The following STK11IP variants were observed in gnomAD, a reference collection of about 807,000 sequenced individuals.
The protein encoded by STK11IP is serine/threonine kinase 11 interacting protein, also known as serine/threonine-protein kinase 11-interacting protein.
A neutral mutation model predicts 131.7 loss-of-function variants in STK11IP; 103 were observed. The ratio of observed to expected loss-of-function variants is 0.78; its 90% CI spans 0.67 to 0.92. The LOEUF is 0.92. Ranked by LOEUF, STK11IP falls within the 40% of genes least tolerant of loss-of-function variation. The pLI is 0.00. For missense variants in STK11IP, 1,315 were observed against 1,385.7 expected, an observed-to-expected ratio of 0.95 and a Z score of 0.81; for synonymous variants, 557 against 575.6, an observed-to-expected ratio of 0.97 and a Z score of 0.46.
rs559545306 is a variant in STK11IP at position 219,598,363 on chromosome 2, A to C, written c.61+183A>C. The stretch of plus-strand genomic sequence containing the variant: ...CAGTGTCCTTTGCCTGTGATAGCCT[A>C]AACTCTAGCCGTCCTTTGAGGCCAA... On this transcript the variant is annotated intron_variant, in intron 2 of 24. Coordinates refer to ENST00000456909, the MANE Select transcript of STK11IP (RefSeq NM_052902.4). 2.5e-5 allele frequency: 13 copies of C among 509,834 alleles called. No individual in the cohort carries two copies. In the African/African-American group the frequency reaches 2.6e-4, roughly 10 times the overall value. 31.6% of individuals were successfully genotyped at this position (509,834 alleles called of 1,614,324 possible).
Position 219,606,850 on chromosome 2 carries a change from A to C in STK11IP, c.1126A>C (p.Lys376Gln), listed in dbSNP as rs1330527804. ...TGTTGTGACCCAGCCCCTGCTTCAT[A>C]AGGTTAAGGTAAGCAGCGTCCTCCG... is the stretch of plus-strand genomic sequence containing the variant. Reference protein sequence around the residue: ...GGVVTQPLLHKVKSRVRVRRA... With the variant: ...GGVVTQPLLHQVKSRVRVRRA... Residue 376 changes from lysine to glutamine, a missense_variant, in exon 12 of 25, where the codon AAG becomes CAG. Coordinates refer to ENST00000456909, the MANE Select transcript of STK11IP (RefSeq NM_052902.4). 6.2e-7 allele frequency: 1 copy of C among 1,610,402 alleles called. No individual in the cohort carries two copies. The highest frequency in any genetic ancestry group is 8.5e-7 in the Non-Finnish European group (1 of 1,177,880).
chr2:219,601,953 G>A (rs1477603642), intron 4 of STK11IP, 35 bp from the exon 5 acceptor site: 41 of 1,559,708 alleles, frequency 2.6e-5, no homozygotes, highest in Admixed American at 3.6e-5. Flanking sequence ...CTTCTGTGGG[G>A]TTCTGCCTTC....
Position 219,616,193 on chromosome 2 carries a change from A to C in STK11IP, c.3267A>C (p.Ter1089CysextTer42). The change falls in exon 25 of 25, where the codon TGA becomes TGC. Residue 1089 changes from the stop codon to cysteine, a stop_lost. Transcript: ENST00000456909. ...AAGAGGCGCTGGCCCTTGACCGATG[A>C]GGGTCCCACGCTGACCTTGGCCCTG... ...VIQEALALDR[*>C] 1.2e-6 allele frequency: 2 copies of C among 1,612,850 alleles called. No individual in the cohort carries two copies. The highest frequency in any genetic ancestry group is 1.7e-6 in the Non-Finnish European group (2 of 1,179,554).
chr2:219,606,230 T>C lies in STK11IP; in HGVS notation c.885T>C (p.Pro295=), dbSNP rs1698150973. The C allele has an allele frequency of 6.4e-7, 1 of 1,571,974 alleles. No homozygotes were observed. The highest frequency in any genetic ancestry group is 1.4e-5 in the African/African-American group (1 of 73,916). ...AGGGGAACCCTCTTTGGTTCCACCC[T>C]GAGCACCGAGCAGCCACTGCCCAGT... ...YLEGNPLWFH[P]EHRAATAQYL... The change falls in exon 10 of 25, where the codon CCT becomes CCC. Residue 295 remains proline, a synonymous_variant. Coordinates refer to ENST00000456909, the MANE Select transcript of STK11IP (RefSeq NM_052902.4).
In STK11IP at chr2:219,605,745, G is replaced by T. The variant is rs112231680; in HGVS notation, c.745+11G>T. On this transcript the variant is annotated intron_variant, in intron 8 of 24. Transcript: ENST00000456909. ...TTCGGAGCCTGCATGGTGAGTGGGG[G>T]TGTGTGATGGGGCAAGCATGGAGGG... 6.3e-7 allele frequency: 1 copy of T among 1,597,306 alleles called. No individual in the cohort carries two copies. The highest frequency in any genetic ancestry group is 8.5e-7 in the Non-Finnish European group (1 of 1,172,172).
At chr2:219,604,707 C>T (rs1013216071) in intron 7 of STK11IP, among the ~76,000 whole-genome samples, 2 of 152,288 alleles carry the variant, frequency 1.3e-5, no homozygotes, top group African/African-American at 2.4e-5. Context: ...ATAGCAGTGG[C>T]AACCGATGGA....
In STK11IP at chr2:219,608,266, A is replaced by T. The variant is rs552718945; in HGVS notation, c.1439A>T (p.Gln480Leu). ...CCGCAGGAGGAAGCCAGAGGCCCCC[A>T]GGAGTCACCACAGAAAATGTCAGAG... ...SPPQEEARGP[Q>L]ESPQKMSEEV... is the part of the protein sequence containing the mutation. The change falls in exon 14 of 25, where the codon CAG becomes CTG. Residue 480 changes from glutamine (Q) to leucine (L), a missense_variant. By Grantham distance (113) the Gln-to-Leu change is moderately radical. Coordinates refer to ENST00000456909, the MANE Select transcript of STK11IP (RefSeq NM_052902.4). 1 of 1,613,422 alleles carries T rather than the reference A, an allele frequency of 6.2e-7. No individual in the cohort carries two copies.
chr2:219,606,142 C>T lies in STK11IP; in HGVS notation c.850-53C>T. ...TGGTTTGGTCAGTGCCTTCTTCACA[C>T]AGGGAGGGCCAGGGCCCCAGGCCCT... On this transcript the variant is annotated intron_variant, in intron 9 of 24. Coordinates refer to ENST00000456909, the MANE Select transcript of STK11IP (RefSeq NM_052902.4). 3 of 1,538,704 alleles carry T rather than the reference C, an allele frequency of 1.9e-6. No homozygotes were observed. In the South Asian group the frequency reaches 3.6e-5, roughly 18 times the overall value.
rs768877790 is a variant in STK11IP, at chr2:219,608,316, G to C, written c.1489G>C (p.Glu497Gln). 139 of 1,605,468 alleles carry C rather than the reference G, an allele frequency of 8.7e-5. No homozygotes were observed. The highest frequency in any genetic ancestry group is 1.2e-4 in the Non-Finnish European group (136 of 1,176,128). Residue 497 changes from glutamate (E) to glutamine (Q), a missense_variant, in exon 14 of 25, where the codon GAG becomes CAG. Glu to Gln is a conservative substitution (Grantham distance 29). Coordinates refer to ENST00000456909, the MANE Select transcript of STK11IP (RefSeq NM_052902.4). ...SEEVRAEPQE[E>Q]EEEKEGKEEK... ...GGAGGTCAGGGCGGAGCCACAGGAG[G>C]AGGAAGAGGAGAAGGAGGGGAAGGA...
intron 8 of STK11IP, 107 bp downstream of exon 8, chr2:219,605,841 G>T (rs1453614782): frequency 1.3e-6 from 2 of 1,490,996 alleles, no homozygotes. Flanking sequence ...GGCTTATGGG[G>T]AGTGCAGGGG....
intron 17 of STK11IP, 125 bp downstream of exon 17, chr2:219,609,665 C>T (rs910310690): frequency 8.6e-7 from 1 of 1,158,384 alleles, no homozygotes; most frequent in Non-Finnish European, 1.2e-6. Context: ...AGCAGTTGTT[C>T]TGCCTGGAGG....
In STK11IP at chr2:219,614,253, A is replaced by G. The variant is rs374062529; in HGVS notation, c.2798+11A>G. On this transcript the variant is annotated intron_variant, in intron 22 of 24. Coordinates refer to ENST00000456909, the MANE Select transcript of STK11IP (RefSeq NM_052902.4). The stretch of plus-strand genomic sequence containing the variant: ...CCAGCACCGGCTCTGGTGAGTCGAT[A>G]GGAGGCAGAGGCTGGGGTTGCTGCC... 2 of 1,612,886 alleles carry G rather than the reference A, an allele frequency of 1.2e-6. No individual in the cohort carries two copies. The highest frequency in any genetic ancestry group is 1.3e-5 in the African/African-American group (1 of 74,906).
chr2:219,615,482 T>C, intron 24 of STK11IP, 141 bp downstream of exon 24: 2 of 1,178,074 alleles, frequency 1.7e-6, no homozygotes, highest in East Asian at 2.5e-5. Context: ...AGAACTAGGG[T>C]TGGAGGAACT....
At chr2:219,602,282 T>C (rs937798433) in intron 5 of STK11IP, among the ~76,000 whole-genome samples, 186 bp from the exon 6 acceptor site, 1 of 152,226 alleles carries the variant, frequency 6.6e-6, no homozygotes, top group Non-Finnish European at 1.5e-5. Context: ...ATATTACATA[T>C]TCTAGTGTCT....
At chr2:219,601,128 T>C (rs1486943999) in intron 2 of STK11IP, 107 bp from the exon 3 acceptor site, 1 of 823,502 alleles carries the variant, frequency 1.2e-6, no homozygotes, top group East Asian at 2.7e-5. Context: ...CAATAGAAGA[T>C]CTACAATATG....
intron 17 of STK11IP, among the ~76,000 whole-genome samples, chr2:219,610,455 T>C (rs979475377): frequency 7.9e-5 from 12 of 151,950 alleles, no homozygotes; most frequent in African/African-American, 1.5e-4. Flanking sequence ...CAGGCTGGAG[T>C]GCAGTGGCAC....
At chr2:219,606,621 GA>G in intron 11 of STK11IP, 90 bp from the exon 12 acceptor site, 1 of 1,601,764 alleles carries the variant, frequency 6.2e-7, no homozygotes, top group Non-Finnish European at 8.5e-7. Context: ...CTGGTCAGTG[GA>G]AAGTAGGGTC....
chr2:219,615,075 G>T lies in STK11IP; in HGVS notation c.2870-19G>T. 6.2e-7 allele frequency: 1 copy of T among 1,602,748 alleles called. No individual in the cohort carries two copies. Among genetic ancestry groups the T allele is most frequent in the Non-Finnish European group, 8.5e-7 (1 of 1,176,232 alleles). ...GGCCCCTCCATGACCTTCCACACTG[G>T]ATGCCTCTTTCCCTGCAGGCCCTTC... On this transcript the variant is annotated intron_variant, in intron 23 of 24. Coordinates refer to ENST00000456909, the MANE Select transcript of STK11IP (RefSeq NM_052902.4).
intron 13 of STK11IP, among the ~76,000 whole-genome samples, chr2:219,607,502 T>G (rs73089147): frequency 0.012 from 1,817 of 151,794 alleles, 30 homozygotes; most frequent in African/African-American, 0.041. Context: ...TACAAAAAAA[T>G]TTTTAAATTA....
Sources: allele counts gnomAD v4.1 joint callset (sites outside exome capture counted in the v4.1 genomes callset), GRCh38; gene constraint gnomAD v4.1.1; transcripts MANE v1.5; gene names NCBI Gene and HGNC (gene_info 2026-07-23, HGNC 2026-07-21).